Variants in OTULIN observed in about 807,000 individuals in gnomAD.
OTULIN encodes ubiquitin thioesterase otulin.
OTULIN carries 15 observed loss-of-function variants against 39.6 expected under a neutral mutation model. That is an observed-to-expected ratio of 0.38 (90% CI 0.25 to 0.58). OTULIN has a LOEUF of 0.58. Among genes scored for constraint, OTULIN ranks in the 20% least tolerant of loss-of-function variants. The pLI is 0.66. For synonymous variants in OTULIN, 156 were observed against 170.3 expected, an observed-to-expected ratio of 0.92 and a Z score of 0.65; for missense variants, 319 against 445.9, an observed-to-expected ratio of 0.72 and a Z score of 2.56.
rs943646597 is a variant in OTULIN at position 14,693,212 on chromosome 5, G to A, written c.*164G>A. 8.2e-6 allele frequency: 5 copies of A among 607,420 alleles called. No homozygotes were observed. Among genetic ancestry groups the A allele is most frequent in the Non-Finnish European group, 1.4e-5 (5 of 355,200 alleles). The allele number at this position is 607,420 out of a possible 1,614,324, so 37.6% of individuals were successfully genotyped here. A position where few individuals can be genotyped will look rare whatever the true frequency, so the allele number is the denominator to read the frequency against. Reference sequence around the variant, plus strand: ...TGTCCTGAAGACTAGCTTTTGATAAGAGAAATTAACCAAGTCTTTCCCCTC... The same window carrying A: ...TGTCCTGAAGACTAGCTTTTGATAAAAGAAATTAACCAAGTCTTTCCCCTC... On this transcript the variant is annotated 3_prime_UTR_variant, in exon 7 of 7. Transcript: ENST00000284274.
At chr5:14,706,161 TCTTG>T in the OTULIN span, 1 of 152,258 alleles carries the variant, frequency 6.6e-6, no homozygotes, top group South Asian at 2.1e-4. Context: ...TAATGTCAAG[TCTTG>T]TTAGTAAAGT....
At chr5:14,681,037 G>C in intron 3 of OTULIN, among the ~76,000 whole-genome samples, 1 of 152,100 alleles carries the variant, frequency 6.6e-6, no homozygotes, top group East Asian at 1.9e-4. Context: ...TCCAGCCTGG[G>C]CAACGAGAGC....
At chr5:14,713,741 C>T in the OTULIN span, 5 of 1,606,094 alleles carry the variant, frequency 3.1e-6, no homozygotes, top group African/African-American at 1.3e-5. This position sits in a 1 kb window ranked among gnomAD's most constrained non-coding sequence, Gnocchi z 4.4. Flanking sequence ...TGGACCAGGG[C>T]AGCACATCCG....
At chr5:14,672,259 A>T (rs567325477) in intron 1 of OTULIN, among the ~76,000 whole-genome samples, 1 of 152,296 alleles carries the variant, frequency 6.6e-6, no homozygotes, top group Admixed American at 6.5e-5. Context: ...AATGGGATGC[A>T]GGCTGGAGTG....
intron 1 of OTULIN, among the ~76,000 whole-genome samples, chr5:14,669,132 G>A (rs1432722709): frequency 6.6e-6 from 1 of 152,136 alleles, no homozygotes; most frequent in Non-Finnish European, 1.5e-5. Flanking sequence ...TGGAGGCTGA[G>A]GCAGGCAGAT....
At position 14,687,635 on chromosome 5, in the gene OTULIN, C is replaced by T; in HGVS notation, c.583C>T (p.Leu195=). 1 of 1,611,968 alleles carries T rather than the reference C, an allele frequency of 6.2e-7. No homozygotes were observed. The highest frequency in any genetic ancestry group is 2.2e-5 in the East Asian group (1 of 44,790). The part of the protein sequence containing the change: ...VDKIKESLTL[L]RKKWAGLAEM... The stretch of plus-strand genomic sequence containing the variant: ...TAAAATTAAAGAGTCCCTTACTCTG[C>T]TGAGGAAGAAGGTTTGGAACCTGTA... Residue 195 remains leucine, a synonymous_variant, in exon 5 of 7, where the codon CTG becomes TTG. Coordinates refer to ENST00000284274, the MANE Select transcript of OTULIN (RefSeq NM_138348.6).
intron 2 of OTULIN, among the ~76,000 whole-genome samples, chr5:14,675,703 T>C (rs1295283569): frequency 2.0e-5 from 3 of 152,228 alleles, no homozygotes; most frequent in Non-Finnish European, 4.4e-5. Flanking sequence ...CTAGCTTTAG[T>C]CTGAGAGTGA....
At chr5:14,711,921 A>G in the OTULIN span, among the ~76,000 whole-genome samples, 13,315 of 152,280 alleles carry the variant, frequency 0.087, 579 homozygotes, top group African/African-American at 0.11. Context: ...CAACAGGCCA[A>G]GGCAAGGACA....
chr5:14,682,202 A>G (rs1472264194), intron 4 of OTULIN, among the ~76,000 whole-genome samples: 1 of 152,276 alleles, frequency 6.6e-6, no homozygotes, highest in African/African-American at 2.4e-5. Context: ...ATAAAGGCAT[A>G]TAGTCAGGTG....
chr5:14,690,081 A>C lies in OTULIN; in HGVS notation c.637A>C (p.Ile213Leu). 1.9e-6 allele frequency: 3 copies of C among 1,614,214 alleles called. No homozygotes were observed. Among genetic ancestry groups the C allele is most frequent in the Non-Finnish European group, 2.5e-6 (3 of 1,180,016 alleles). Residue 213 changes from isoleucine to leucine, a missense_variant, in exon 6 of 7, where the codon ATA becomes CTA. Coordinates refer to ENST00000284274, the MANE Select transcript of OTULIN (RefSeq NM_138348.6). This position sits in a 1 kb window ranked among gnomAD's most constrained non-coding sequence, Gnocchi z 4.5. ...AEMRTAEARQ[I>L]ACDELFTNEA... is the part of the protein sequence containing the mutation. ...AATGAGAACTGCTGAAGCAAGACAG[A>C]TAGCTTGTGATGAACTATTCACAAA...
intron 4 of OTULIN, among the ~76,000 whole-genome samples, chr5:14,683,677 G>T (rs1463722445): frequency 6.6e-6 from 1 of 152,188 alleles, no homozygotes; most frequent in African/African-American, 2.4e-5. Flanking sequence ...TCTGGATAGT[G>T]ACATAATATC....
At chr5:14,665,017 G>T (rs1352612822) in intron 1 of OTULIN, 40 bp downstream of exon 1, 95 of 1,034,574 alleles carry the variant, frequency 9.2e-5, no homozygotes, top group Admixed American at 3.4e-4. Context: ...CGTGGGCGGC[G>T]GGCTCGGTCC....
In OTULIN at chr5:14,681,471, A is replaced by G. The variant is rs752485795; in HGVS notation, c.332A>G (p.Glu111Gly). ...TTTCATACCTTTTCCCAGGGCTATGAAGAGGTTTCTCAGAAGTTCACCTCC... is the reference window on the plus strand; with the variant it reads ...TTTCATACCTTTTCCCAGGGCTATGGAGAGGTTTCTCAGAAGTTCACCTCC... Reference protein sequence around the residue: ...QKATCMKMGYEEVSQKFTSIR... With the variant: ...QKATCMKMGYGEVSQKFTSIR... The change falls in exon 4 of 7, where the codon GAA (glutamate) becomes GGA (glycine). Residue 111 changes from glutamate to glycine, a missense_variant. Glu to Gly is a moderately conservative substitution (Grantham distance 98, BLOSUM62 -2). Transcript: ENST00000284274. The G allele has an allele frequency of 1.4e-4, 225 of 1,611,376 alleles. No individual in the cohort carries two copies. Among genetic ancestry groups the G allele is most frequent in the Non-Finnish European group, 1.9e-4 (219 of 1,179,318 alleles).
At chr5:14,670,973 A>T (rs1295214533) in intron 1 of OTULIN, among the ~76,000 whole-genome samples, 1 of 152,152 alleles carries the variant, frequency 6.6e-6, no homozygotes, top group Non-Finnish European at 1.5e-5. Flanking sequence ...GGTTAAAGCA[A>T]TTTGATTATA....
intron 6 of OTULIN, among the ~76,000 whole-genome samples, chr5:14,691,598 CTTT>C (rs910484756): frequency 7.4e-6 from 1 of 134,866 alleles, no homozygotes; most frequent in Non-Finnish European, 1.6e-5. Context: ...TGAGTCCATT[CTTT>C]TTTTTTTTTT....
intron 2 of OTULIN, 124 bp downstream of exon 2, chr5:14,673,842 A>G (rs896832496): frequency 5.5e-6 from 4 of 727,734 alleles, no homozygotes; most frequent in African/African-American, 1.8e-5. Flanking sequence ...TCTTATCTAC[A>G]TTGATTGTTT....
the OTULIN span, chr5:14,704,892 G>A: frequency 6.6e-6 from 1 of 152,136 alleles, no homozygotes; most frequent in African/African-American, 2.4e-5. Flanking sequence ...CATAAACCCT[G>A]AAACAAAGCA....
chr5:14,681,333 A>G, intron 3 of OTULIN, 131 bp from the exon 4 acceptor site: 1 of 948,394 alleles, frequency 1.1e-6, no homozygotes, highest in Non-Finnish European at 1.6e-6. Context: ...TTGCTTAGAA[A>G]GGGACATAAA....
intron 1 of OTULIN, among the ~76,000 whole-genome samples, chr5:14,667,721 T>C (rs31921): frequency 0.93 from 141,793 of 152,222 alleles, 66,104 homozygotes; most frequent in Middle Eastern, 0.97. Flanking sequence ...TCCCTCCCTC[T>C]CTTCCTTCCT....
Sources: gnomAD v4.1 joint callset for allele counts (sites outside exome capture counted in the v4.1 genomes callset) on GRCh38, gnomAD v4.1.1 for gene constraint, Gnocchi (gnomAD v3.1) non-coding constraint, MANE v1.5 for transcripts, NCBI Gene and HGNC (gene_info 2026-07-23, HGNC 2026-07-21) for gene names.